The following WNT3A variants were observed in gnomAD, a reference collection of about 807,000 sequenced individuals.
WNT3A encodes protein Wnt-3a.
A neutral mutation model predicts 37.0 loss-of-function variants in WNT3A; 17 were observed. The ratio of observed to expected loss-of-function variants is 0.46; its 90% CI spans 0.31 to 0.69. The LOEUF (loss-of-function observed/expected upper bound fraction) is 0.69, where lower values mean the gene tolerates loss of function less well. WNT3A is among the 30% of genes least tolerant of loss of function. The pLI, the probability that WNT3A is intolerant of heterozygous loss-of-function variation, is 0.05. For synonymous variants in WNT3A, 187 were observed against 211.0 expected (o/e 0.89, Z 0.99); for missense variants, 411 against 510.2 (o/e 0.81, Z 1.87).
intron 1 of WNT3A, among the ~76,000 whole-genome samples, chr1:228,012,738 G>A (rs1408440603): frequency 6.6e-6 from 1 of 152,208 alleles, no homozygotes; most frequent in Non-Finnish European, 1.5e-5. Context: ...TGGGGCAGAG[G>A]TTGCAGGTGC....
intron 2 of WNT3A, among the ~76,000 whole-genome samples, chr1:228,044,500 G>A (rs1254352378): frequency 6.6e-6 from 1 of 152,090 alleles, no homozygotes; most frequent in African/African-American, 2.4e-5. Flanking sequence ...AGCACAATTA[G>A]GCATTTTGCA....
In WNT3A at chr1:228,059,551, G is replaced by C; in HGVS notation, c.*86G>C. 1.9e-5 allele frequency: 27 copies of C among 1,419,116 alleles called. No individual in the cohort carries two copies. The highest frequency in any genetic ancestry group is 2.5e-5 in the Non-Finnish European group (27 of 1,092,666). 87.9% of individuals were successfully genotyped at this position (1,419,116 alleles called of 1,614,324 possible). ...GGTGGAGCAGGACTCCCACCTAAAC[G>C]GGGCAGTACTCCTCCCTGGGGGCGG... is the stretch of plus-strand genomic sequence containing the variant. On this transcript the variant is annotated 3_prime_UTR_variant, in exon 4 of 4. Coordinates refer to ENST00000284523, the MANE Select transcript of WNT3A (RefSeq NM_033131.4).
rs1327142353 is a variant in WNT3A, at chr1:228,038,017, C to T, written c.314-12639C>T. ...CCATTGTGGGCCTAACTCGGCGTGACAGTGGCGCACAAAGCCGGATTCAAG... is the reference window on the plus strand; with the variant it reads ...CCATTGTGGGCCTAACTCGGCGTGATAGTGGCGCACAAAGCCGGATTCAAG... On this transcript the variant is annotated intron_variant, in intron 2 of 3. Transcript: ENST00000284523. The surrounding 1 kb of genome is among the most constrained non-coding windows in gnomAD (Gnocchi z 5.7). 6.6e-6 allele frequency among the ~76,000 whole-genome samples: 1 copy of T among 152,122 alleles called. No homozygotes were observed. Among genetic ancestry groups the T allele is most frequent in the African/African-American group, 2.4e-5 (1 of 41,442 alleles).
intron 1 of WNT3A, among the ~76,000 whole-genome samples, chr1:228,020,737 T>G (rs1469817391): frequency 6.6e-6 from 1 of 152,160 alleles, no homozygotes; most frequent in Non-Finnish European, 1.5e-5. Context: ...GAGCCGACTG[T>G]GCAAGGACAG....
chr1:228,022,847 C>T lies in WNT3A; in HGVS notation c.252C>T (p.Arg84=), dbSNP rs756167532. The change falls in exon 2 of 4, where the codon CGC becomes CGT. Residue 84 remains arginine, a synonymous_variant. Coordinates refer to ENST00000284523, the MANE Select transcript of WNT3A (RefSeq NM_033131.4). ...IQECQHQFRG[R]RWNCTTVHDS... ...AGTGCCAGCACCAGTTCCGCGGCCG[C>T]CGGTGGAACTGCACCACCGTCCACG... is the stretch of plus-strand genomic sequence containing the variant. The T allele has an allele frequency of 8.1e-6, 13 of 1,613,842 alleles. No homozygotes were observed. The Admixed American group carries it at 2.2e-4, about 27-fold the overall frequency.
intron 1 of WNT3A, among the ~76,000 whole-genome samples, chr1:228,017,304 T>C (rs546151888): frequency 6.6e-6 from 1 of 152,278 alleles, no homozygotes; most frequent in East Asian, 1.9e-4. Context: ...AGAGGAGCGA[T>C]GCTGGGTATT....
Position 228,061,114 on chromosome 1 carries a change from C to T in WNT3A, c.*1649C>T, listed in dbSNP as rs2031797132. 1 of 152,716 alleles carries T rather than the reference C, an allele frequency of 6.5e-6. No homozygotes were observed. 9.5% of individuals were successfully genotyped at this position (152,716 alleles called of 1,614,324 possible). A position where few individuals can be genotyped will look rare whatever the true frequency, so the allele number is the denominator to read the frequency against. On this transcript the variant is annotated 3_prime_UTR_variant, in exon 4 of 4. Coordinates refer to ENST00000284523, the MANE Select transcript of WNT3A (RefSeq NM_033131.4). ...CTCAGCCTCTGCCACTGTGAACCGG[C>T]TCCCACCCTCAAGGTGCGGGGAGAA...
At chr1:228,055,322 G>A (rs1340507617) in intron 3 of WNT3A, among the ~76,000 whole-genome samples, 1 of 147,368 alleles carries the variant, frequency 6.8e-6, no homozygotes, top group Non-Finnish European at 1.5e-5. Context: ...ACTTCCGTCT[G>A]CACTCTCCTG....
At chr1:228,035,049 C>A (rs932661073) in intron 2 of WNT3A, among the ~76,000 whole-genome samples, 7 of 152,150 alleles carry the variant, frequency 4.6e-5, no homozygotes, top group African/African-American at 1.4e-4. Flanking sequence ...ATGCACTCTG[C>A]CACACAGCAT....
Position 228,037,570 on chromosome 1 carries a change from G to A in WNT3A, c.314-13086G>A, listed in dbSNP as rs2031174626. ...GGTGGGGCCTGCCTGCTAGGACATG[G>A]GGACACACAGGGCAGCTCTTTAGGG... On this transcript the variant is annotated intron_variant, in intron 2 of 3. Coordinates refer to ENST00000284523, the MANE Select transcript of WNT3A (RefSeq NM_033131.4). This position sits in a 1 kb window ranked among gnomAD's most constrained non-coding sequence, Gnocchi z 4.1. Among the ~76,000 whole-genome samples the A allele has an allele frequency of 6.6e-6, 1 of 152,184 alleles. No individual in the cohort carries two copies. Among genetic ancestry groups the A allele is most frequent in the African/African-American group, 2.4e-5 (1 of 41,448 alleles).
At chr1:228,046,872 ATG>A (rs958740310) in intron 2 of WNT3A, among the ~76,000 whole-genome samples, 4 of 151,762 alleles carry the variant, frequency 2.6e-5, no homozygotes, top group African/African-American at 7.3e-5. Flanking sequence ...TGGGGTGTGC[ATG>A]TGTGTGTGGT....
intron 3 of WNT3A, among the ~76,000 whole-genome samples, chr1:228,054,346 T>C (rs1217451403): frequency 6.6e-6 from 1 of 152,116 alleles, no homozygotes; most frequent in Non-Finnish European, 1.5e-5. Flanking sequence ...CAATGTTGGC[T>C]GGGCGTGGTG....
In WNT3A at chr1:228,059,696, C is replaced by G; in HGVS notation, c.*231C>G. On this transcript the variant is annotated 3_prime_UTR_variant, in exon 4 of 4. Transcript: ENST00000284523. Reference sequence around the variant, plus strand: ...TGGGCTGCTCCTGAATGAGGCGGAGCTCCAGGATGGGGAGGGGCTCTGCGT... The same window carrying G: ...TGGGCTGCTCCTGAATGAGGCGGAGGTCCAGGATGGGGAGGGGCTCTGCGT... 1.5e-6 allele frequency: 2 copies of G among 1,341,488 alleles called. No homozygotes were observed. The highest frequency in any genetic ancestry group is 4.1e-5 in the South Asian group (2 of 48,476). The allele number at this position is 1,341,488 out of a possible 1,614,324, so 83.1% of individuals were successfully genotyped here.
intron 3 of WNT3A, among the ~76,000 whole-genome samples, chr1:228,056,946 T>C (rs2031694212): frequency 6.6e-6 from 1 of 152,118 alleles, no homozygotes; most frequent in Admixed American, 6.5e-5. Context: ...TTAAATGAGA[T>C]AGTAGAAAAG....
At chr1:228,019,284 G>T (rs2030620996) in intron 1 of WNT3A, among the ~76,000 whole-genome samples, 1 of 152,198 alleles carries the variant, frequency 6.6e-6, no homozygotes, top group Non-Finnish European at 1.5e-5. Flanking sequence ...TAGTGTTCTG[G>T]GGGTGGGCAG....
At position 228,042,440 on chromosome 1, in the gene WNT3A, G is replaced by A. The variant is rs77903243; in HGVS notation, c.314-8216G>A. On this transcript the variant is annotated intron_variant, in intron 2 of 3. Coordinates refer to ENST00000284523, the MANE Select transcript of WNT3A (RefSeq NM_033131.4). The surrounding 1 kb of genome is among the most constrained non-coding windows in gnomAD (Gnocchi z 5.2). ...GTGGGTGGTGGATAGATGGATGAAT[G>A]GATGATGGGTGGATGATGGATGAAT... Among the ~76,000 whole-genome samples, 94 of 151,934 alleles carry A rather than the reference G, an allele frequency of 6.2e-4. 1 individual carries two copies. The East Asian group carries it at 0.018, about 29-fold the overall frequency.
rs544894364 is a variant in WNT3A, at chr1:228,027,109, C to T, written c.313+4201C>T. ...CCACCCGCCTCAGCCTCCCTAAGTGCTGGGATTACAGGCGTGAGCCACGGT... is the reference window on the plus strand; with the variant it reads ...CCACCCGCCTCAGCCTCCCTAAGTGTTGGGATTACAGGCGTGAGCCACGGT... On this transcript the variant is annotated intron_variant, in intron 2 of 3. Transcript: ENST00000284523. Among the ~76,000 whole-genome samples, 4 of 152,374 alleles carry T rather than the reference C, an allele frequency of 2.6e-5. No homozygotes were observed. In the East Asian group the frequency reaches 7.7e-4, roughly 29 times the overall value.
rs1242540377 is a variant in WNT3A at position 228,060,331 on chromosome 1, C to T, written c.*866C>T. 2 of 1,342,244 alleles carry T rather than the reference C, an allele frequency of 1.5e-6. No individual in the cohort carries two copies. Among genetic ancestry groups the T allele is most frequent in the Non-Finnish European group, 2.0e-6 (2 of 1,013,626 alleles). 83.1% of individuals were successfully genotyped at this position (1,342,244 alleles called of 1,614,324 possible). A position where few individuals can be genotyped will look rare whatever the true frequency, so the allele number is the denominator to read the frequency against. On this transcript the variant is annotated 3_prime_UTR_variant, in exon 4 of 4. Coordinates refer to ENST00000284523, the MANE Select transcript of WNT3A (RefSeq NM_033131.4). ...GCGAGTCGGGTCCCCAACCCGTGCC[C>T]CTGGGATCCGAGGGCCCCTCTCCAA...
chr1:228,024,468 T>C (rs945525017), intron 2 of WNT3A, among the ~76,000 whole-genome samples: 2 of 152,234 alleles, frequency 1.3e-5, no homozygotes, highest in East Asian at 1.9e-4. Flanking sequence ...TAGACCTTCT[T>C]TGAAATGTTT....
Sources: allele counts gnomAD v4.1 joint callset (sites outside exome capture counted in the v4.1 genomes callset), GRCh38; gene constraint gnomAD v4.1.1; non-coding constraint Gnocchi (gnomAD v3.1); transcripts MANE v1.5; gene names NCBI Gene and HGNC (gene_info 2026-07-23, HGNC 2026-07-21).